Variants in ZFHX3 observed in about 807,000 individuals in gnomAD.
The protein encoded by ZFHX3 is zinc finger homeobox protein 3.
ZFHX3 carries 42 observed loss-of-function variants against 279.1 expected under a neutral mutation model. The ratio of observed to expected loss-of-function variants is 0.15; its 90% CI spans 0.12 to 0.19. The LOEUF is 0.19. ZFHX3 is among the 10% of genes least tolerant of loss of function. The pLI is 1.00. For synonymous variants in ZFHX3, 2,293 were observed against 1,957.8 expected, an observed-to-expected ratio of 1.17 and a Z score of -4.52; for missense variants, 4,981 against 4,754.0, an observed-to-expected ratio of 1.05 and a Z score of -1.40.
At position 73,435,355 on chromosome 16, in the gene ZFHX3, C is replaced by T. The variant is rs1455087335; in HGVS notation, c.-1291+20648G>A. On this transcript the variant is annotated intron_variant, in intron 3 of 17. Transcript: ENST00000641206. ...TCCTAAGTAGCTGGGACTACATGCG[C>T]CCACTACCAGGCCCAGCTAATTTTT... Among the ~76,000 whole-genome samples, 5 of 152,222 alleles carry T rather than the reference C, an allele frequency of 3.3e-5. No homozygotes were observed. The South Asian group carries it at 8.3e-4, about 25-fold the overall frequency.
At chr16:73,026,034 A>G (rs1055928080) in intron 1 of ZFHX3, among the ~76,000 whole-genome samples, 2 of 152,106 alleles carry the variant, frequency 1.3e-5, no homozygotes, top group African/African-American at 4.8e-5. Flanking sequence ...ATGTCTTGGC[A>G]GTCTCCGATA....
At chr16:73,002,262 A>G (rs536523681) in intron 1 of ZFHX3, among the ~76,000 whole-genome samples, 2 of 152,156 alleles carry the variant, frequency 1.3e-5, no homozygotes, top group Non-Finnish European at 2.9e-5. Flanking sequence ...TCTGGCCAGG[A>G]GAACTCCATC....
chr16:73,227,992 C>A (rs112600484), intron 5 of ZFHX3, among the ~76,000 whole-genome samples: 1 of 152,012 alleles, frequency 6.6e-6, no homozygotes, highest in South Asian at 2.1e-4. Context: ...ACCTTCACAA[C>A]CTCCCTATGT....
intron 3 of ZFHX3, among the ~76,000 whole-genome samples, chr16:73,341,615 A>C (rs1170353988): frequency 6.6e-6 from 1 of 152,200 alleles, no homozygotes; most frequent in Non-Finnish European, 1.5e-5. Context: ...CACACAACAT[A>C]TATGAATGCT....
intron 2 of ZFHX3, among the ~76,000 whole-genome samples, chr16:73,673,505 G>C (rs79805231): frequency 2.6e-5 from 4 of 151,974 alleles, no homozygotes; most frequent in African/African-American, 9.7e-5. Flanking sequence ...AGAAGTAAGA[G>C]ATTCCTTGGG....
chr16:73,643,988 A>C (rs1378069259), intron 2 of ZFHX3, among the ~76,000 whole-genome samples: 12 of 152,126 alleles, frequency 7.9e-5, no homozygotes, highest in Non-Finnish European at 1.0e-4. Flanking sequence ...CATTGAAAAT[A>C]ACAACCTCTT....
At chr16:72,998,943 A>G (rs16971489) in intron 1 of ZFHX3, among the ~76,000 whole-genome samples, 7,661 of 152,222 alleles carry the variant, frequency 0.05, 640 homozygotes, top group African/African-American at 0.17. Context: ...TAAAATCCTC[A>G]TAACCCTTTA....
intron 2 of ZFHX3, among the ~76,000 whole-genome samples, chr16:73,586,796 C>A (rs1392396185): frequency 6.6e-6 from 1 of 152,084 alleles, no homozygotes; most frequent in Non-Finnish European, 1.5e-5. Context: ...TATTGTTTTA[C>A]CACATGAAAT....
intron 1 of ZFHX3, among the ~76,000 whole-genome samples, chr16:73,748,964 A>T (rs139460440): frequency 6.6e-6 from 1 of 151,582 alleles, no homozygotes; most frequent in Admixed American, 6.6e-5. Flanking sequence ...ATTTTTGTAC[A>T]TTTAGTAGAG....
At chr16:73,701,362 T>C (rs2053244752) in intron 1 of ZFHX3, among the ~76,000 whole-genome samples, 1 of 152,180 alleles carries the variant, frequency 6.6e-6, no homozygotes, top group South Asian at 2.1e-4. Context: ...ATTTTAATTA[T>C]ATTGTTTAAA....
intron 1 of ZFHX3, among the ~76,000 whole-genome samples, chr16:73,888,305 TC>T (rs5817881): frequency 6.6e-6 from 1 of 151,976 alleles, no homozygotes; most frequent in East Asian, 1.9e-4. Flanking sequence ...TCCCTCCCCT[TC>T]CCCCCACGGA....
In ZFHX3 at chr16:72,795,291, GTCT is replaced by G; in HGVS notation, c.7388_7390del (p.Lys2463del). ...GGGGAGCTTCTGCTGGGGAGTGTTG[GTCT>G]TCTGCTCGGGCTGCTCTTGCTGCTG... On this transcript the variant is annotated inframe_deletion, in exon 9 of 10. Transcript: ENST00000268489. 1 of 1,613,892 alleles carries G rather than the reference GTCT, an allele frequency of 6.2e-7. No homozygotes were observed. The highest frequency in any genetic ancestry group is 1.1e-5 in the South Asian group (1 of 91,056).
In ZFHX3 at chr16:73,588,263, C is replaced by T. The variant is rs74030124; in HGVS notation, c.-1547+91917G>A. 1.9e-3 allele frequency among the ~76,000 whole-genome samples: 283 copies of T among 152,026 alleles called. 4 individuals are homozygous for T. The highest frequency in any genetic ancestry group is 6.7e-3 in the African/African-American group (278 of 41,478). Reference sequence around the variant, plus strand: ...TTAAAGAATGCAGATAAAGAATGTACGTAGAAGAAATGATACCACTTTAAA... The same window carrying T: ...TTAAAGAATGCAGATAAAGAATGTATGTAGAAGAAATGATACCACTTTAAA... On this transcript the variant is annotated intron_variant, in intron 2 of 17. Coordinates refer to the ZFHX3 transcript ENST00000641206.
At chr16:73,233,825 T>G (rs1490987484) in intron 5 of ZFHX3, 1 of 152,254 alleles carries the variant, frequency 6.6e-6, no homozygotes, top group East Asian at 1.9e-4. Context: ...GTCACCCTTT[T>G]AAGATATCCT....
intron 7 of ZFHX3, among the ~76,000 whole-genome samples, chr16:73,125,797 T>TATATATGTATATATATATGC (rs1966559552): frequency 6.6e-6 from 1 of 151,938 alleles, no homozygotes; most frequent in African/African-American, 2.4e-5. Flanking sequence ...TATATGTGTG[T>TATATATGTATATATATATGC]ATATATGTAT....
At chr16:73,036,028 T>A (rs1198454145) in intron 1 of ZFHX3, among the ~76,000 whole-genome samples, 2 of 152,268 alleles carry the variant, frequency 1.3e-5, no homozygotes, top group Non-Finnish European at 2.9e-5. Context: ...GACTTCTCCC[T>A]TTTAACTGCC....
chr16:73,413,838 T>C (rs1567476582), intron 3 of ZFHX3, among the ~76,000 whole-genome samples: 1 of 152,232 alleles, frequency 6.6e-6, no homozygotes, highest in Non-Finnish European at 1.5e-5. Context: ...TGTTCTAAGA[T>C]GATTTGCCCA....
chr16:72,853,091 T>C (rs2037660901), intron 4 of ZFHX3, among the ~76,000 whole-genome samples: 1 of 152,220 alleles, frequency 6.6e-6, no homozygotes, highest in Non-Finnish European at 1.5e-5. Context: ...CTCTGTTTGC[T>C]CACCTGAGGG....
At chr16:72,995,226 G>C (rs571415173) in intron 1 of ZFHX3, among the ~76,000 whole-genome samples, 1 of 152,190 alleles carries the variant, frequency 6.6e-6, no homozygotes, top group African/African-American at 2.4e-5. Flanking sequence ...AATAAATGTC[G>C]AGTCCTAATG....
Sources: allele counts gnomAD v4.1 joint callset (sites outside exome capture counted in the v4.1 genomes callset), GRCh38; gene constraint gnomAD v4.1.1; transcripts MANE v1.5; gene names NCBI Gene and HGNC (gene_info 2026-07-23, HGNC 2026-07-21).